The following COQ8B variants were observed in gnomAD, a reference collection of about 807,000 sequenced individuals.
COQ8B encodes coenzyme Q8B.
COQ8B carries 44 observed loss-of-function variants against 62.0 expected under a neutral mutation model. The ratio of observed to expected loss-of-function variants is 0.71; its 90% CI spans 0.56 to 0.91. The LOEUF (loss-of-function observed/expected upper bound fraction) is 0.91, where lower values mean the gene tolerates loss of function less well. Ranked by LOEUF, COQ8B falls within the 40% of genes least tolerant of loss-of-function variation. COQ8B has a pLI of 0.00. For synonymous variants in COQ8B, 252 were observed against 289.9 expected (o/e 0.87, Z 1.33); for missense variants, 649 against 731.6 (o/e 0.89, Z 1.30).
In COQ8B at chr19:40,702,651, A is replaced by C. The variant is rs2082069392; in HGVS notation, c.842T>G (p.Leu281Arg). 2 of 1,611,846 alleles carry C rather than the reference A, an allele frequency of 1.2e-6. No individual in the cohort carries two copies. Among genetic ancestry groups the C allele is most frequent in the African/African-American group, 2.7e-5 (2 of 74,900 alleles). Residue 281 changes from leucine (L) to arginine (R), a missense_variant, in exon 10 of 15, where the codon CTG becomes CGG. Leu to Arg is a moderately radical substitution (Grantham distance 102, BLOSUM62 -2). Transcript: ENST00000324464. Reference protein sequence around the residue: ...EQSLQALQQELAWECDYRREA... With the variant: ...EQSLQALQQERAWECDYRREA... ...ACGACGGTAGTCACACTCCCAAGCCAGCTCCTGCTGCAAGGCCTGCAGGCT... is the reference window on the plus strand; with the variant it reads ...ACGACGGTAGTCACACTCCCAAGCCCGCTCCTGCTGCAAGGCCTGCAGGCT...
At chr19:40,697,823 TA>T (rs2082026285) in intron 12 of COQ8B, among the ~76,000 whole-genome samples, 1 of 58,254 alleles carries the variant, frequency 1.7e-5, no homozygotes, top group Non-Finnish European at 3.3e-5. Context: ...TAAATAAAAT[TA>T]TATATATATA....
chr19:40,710,563 C>T (rs1229910071), intron 4 of COQ8B, among the ~76,000 whole-genome samples: 1 of 152,046 alleles, frequency 6.6e-6, no homozygotes, highest in Non-Finnish European at 1.5e-5. Flanking sequence ...TCTCCCAATT[C>T]TTTGTATCTC....
At chr19:40,707,869 C>T (rs2082112708) in intron 5 of COQ8B, among the ~76,000 whole-genome samples, 1 of 152,160 alleles carries the variant, frequency 6.6e-6, no homozygotes, top group South Asian at 2.1e-4. Flanking sequence ...ATCCATTCAT[C>T]AGTTTTAAAG....
At chr19:40,707,895 G>A (rs2082112935) in intron 5 of COQ8B, among the ~76,000 whole-genome samples, 1 of 152,172 alleles carries the variant, frequency 6.6e-6, no homozygotes, top group Non-Finnish European at 1.5e-5. Flanking sequence ...CAGGGATCCT[G>A]AGACCAAGAA....
intron 5 of COQ8B, among the ~76,000 whole-genome samples, chr19:40,709,399 A>T (rs539376007): frequency 6.6e-6 from 1 of 152,264 alleles, no homozygotes; most frequent in Admixed American, 6.5e-5. Context: ...ACCTCCACCT[A>T]CCCTCAACTT....
intron 13 of COQ8B, among the ~76,000 whole-genome samples, chr19:40,693,899 C>T (rs895969774): frequency 6.6e-6 from 1 of 152,168 alleles, no homozygotes; most frequent in African/African-American, 2.4e-5. Flanking sequence ...TACTGGGTTG[C>T]CCTTTTTTGT....
chr19:40,695,657 G>T (rs1200806454), intron 13 of COQ8B, among the ~76,000 whole-genome samples: 2 of 152,092 alleles, frequency 1.3e-5, no homozygotes, highest in African/African-American at 4.8e-5. Flanking sequence ...CTCTGGACCT[G>T]GACCACCTGA....
intron 7 of COQ8B, 110 bp downstream of exon 7, chr19:40,704,986 G>A (rs1277590364): frequency 1.9e-6 from 2 of 1,039,966 alleles, no homozygotes; most frequent in African/African-American, 1.6e-5. Flanking sequence ...TTACAGATGG[G>A]GAAAGTGAGG....
At chr19:40,708,885 G>A (rs781326967) in intron 5 of COQ8B, among the ~76,000 whole-genome samples, 6 of 151,262 alleles carry the variant, frequency 4.0e-5, no homozygotes, top group African/African-American at 9.7e-5. Flanking sequence ...AGCCATGATC[G>A]TACCATTGCA....
Position 40,703,508 on chromosome 19 carries a change from G to A in COQ8B, c.799+33C>T. The A allele has an allele frequency of 5.1e-6, 8 of 1,572,364 alleles. No homozygotes were observed. The Middle Eastern group carries it at 1.3e-3, about 253-fold the overall frequency. On this transcript the variant is annotated intron_variant, in intron 9 of 14. Transcript: ENST00000324464. ...TCTCTCTCTGGGCATAGCCCCTTTG[G>A]GAGGTCAGCAGAGGAGTGGGTGGGC...
At chr19:40,715,009 G>T (rs1407119743) in intron 1 of COQ8B, 2 of 257,292 alleles carry the variant, frequency 7.8e-6, no homozygotes, top group Non-Finnish European at 1.2e-5. Context: ...CCCCCCGCCC[G>T]ATCCCCACCC....
intron 13 of COQ8B, among the ~76,000 whole-genome samples, chr19:40,693,633 C>T (rs2081990769): frequency 6.6e-6 from 1 of 152,142 alleles, no homozygotes; most frequent in Non-Finnish European, 1.5e-5. Flanking sequence ...GGTTCCGTCC[C>T]AGCTCTGCCA....
chr19:40,699,556 G>C (rs1359420204), intron 12 of COQ8B, among the ~76,000 whole-genome samples: 1 of 152,200 alleles, frequency 6.6e-6, no homozygotes, highest in Non-Finnish European at 1.5e-5. Flanking sequence ...AGAGGCAAGG[G>C]CAGGTGATGG....
At chr19:40,712,191 C>G (rs748633514) in intron 4 of COQ8B, among the ~76,000 whole-genome samples, 1 of 152,162 alleles carries the variant, frequency 6.6e-6, no homozygotes, top group East Asian at 1.9e-4. Context: ...ATAATCCCAG[C>G]ACTTTGGGAG....
Position 40,693,025 on chromosome 19 carries a change from C to T in COQ8B, c.1222G>A (p.Ala408Thr), listed in dbSNP as rs2081986275. Residue 408 changes from alanine to threonine, a missense_variant, in exon 14 of 15, where the codon GCA becomes ACA. Physicochemically the swap from Ala to Thr is moderately conservative, Grantham distance 58. Transcript: ENST00000324464. ...ACACAGTCTCTGTCTCCATCAGCTG[C>T]AGCCTTCACCACCTGGGGAGACGGG... ...TDHYIEVVKA[A>T]ADGDRDCVLQ... 6.2e-7 allele frequency: 1 copy of T among 1,613,766 alleles called. No homozygotes were observed. Among genetic ancestry groups the T allele is most frequent in the Non-Finnish European group, 8.5e-7 (1 of 1,179,856 alleles).
chr19:40,703,616 C>T lies in COQ8B; in HGVS notation c.724G>A (p.Gly242Ser), dbSNP rs200975522. The change falls in exon 9 of 15, where the codon GGC becomes AGC. Residue 242 changes from glycine (G) to serine (S), a missense_variant. Coordinates refer to ENST00000324464, the MANE Select transcript of COQ8B (RefSeq NM_024876.4). The stretch of plus-strand genomic sequence containing the variant: ...TCGCTCTGAATGCTCTGGGCTATGC[C>T]GGGGTACTGTAAAGGGAGAAGGGAG... Reference protein sequence around the residue: ...TEVAVKIQYPGIAQSIQSDVQ... With the variant: ...TEVAVKIQYPSIAQSIQSDVQ... 2.5e-5 allele frequency: 40 copies of T among 1,612,676 alleles called. No homozygotes were observed. In the East Asian group the frequency reaches 6.2e-4, roughly 25 times the overall value.
intron 12 of COQ8B, among the ~76,000 whole-genome samples, chr19:40,697,824 A>T (rs1052849986): frequency 1.2e-3 from 70 of 60,854 alleles, no homozygotes; most frequent in African/African-American, 4.2e-3. Flanking sequence ...AAATAAAATT[A>T]TATATATATA....
intron 14 of COQ8B, 97 bp downstream of exon 14, chr19:40,692,854 C>G: frequency 1.9e-6 from 2 of 1,040,476 alleles, no homozygotes; most frequent in African/African-American, 1.6e-5. Context: ...TATCGACATG[C>G]CCCATCACCT....
intron 1 of COQ8B, chr19:40,715,714 A>C: frequency 1.4e-6 from 1 of 702,852 alleles, no homozygotes; most frequent in Non-Finnish European, 1.7e-6. Context: ...CACCTGCGGA[A>C]TGGTGCGACT....
Sources: allele counts gnomAD v4.1 joint callset (sites outside exome capture counted in the v4.1 genomes callset), GRCh38; gene constraint gnomAD v4.1.1; transcripts MANE v1.5; gene names NCBI Gene and HGNC (gene_info 2026-07-23, HGNC 2026-07-21).